The following FASTKD1 variants were observed in gnomAD, a reference collection of about 807,000 sequenced individuals.
The protein encoded by FASTKD1 is FAST kinase domains 1.
A neutral mutation model predicts 90.9 loss-of-function variants in FASTKD1; 94 were observed. That is an observed-to-expected ratio of 1.03 (90% confidence interval 0.88 to 1.23). The LOEUF is 1.23. Among genes scored for constraint, FASTKD1 ranks in the 50% most tolerant of loss-of-function variants. FASTKD1 has a pLI of 0.00. For synonymous variants in FASTKD1, 319 were observed against 345.8 expected (o/e 0.92, Z 0.86); for missense variants, 945 against 993.5 (o/e 0.95, Z 0.66).
chr2:169,542,572 A>G (rs1367037923), intron 9 of FASTKD1, among the ~76,000 whole-genome samples: 3 of 152,224 alleles, frequency 2.0e-5, no homozygotes, highest in Non-Finnish European at 4.4e-5. Flanking sequence ...AATATTACCA[A>G]AAGACTTTTC....
chr2:169,568,998 C>CAAA (rs374268347), intron 3 of FASTKD1, among the ~76,000 whole-genome samples, 186 bp downstream of exon 3: 1 of 104,790 alleles, frequency 9.5e-6, no homozygotes, highest in African/African-American at 4.1e-5. Flanking sequence ...GACTCCATCT[C>CAAA]AAAAAAAAAA....
Position 169,537,764 on chromosome 2 carries a change from A to G in FASTKD1, c.2074+249T>C, listed in dbSNP as rs1257752939. On this transcript the variant is annotated intron_variant, in intron 11 of 14. Coordinates refer to ENST00000453153, the MANE Select transcript of FASTKD1 (RefSeq NM_024622.6). ...ATTAATAATTTCAATAAGAGCTTCA[A>G]TGTAGTGTCTTATATAATGACACTA... Among the ~76,000 whole-genome samples, 4 of 152,196 alleles carry G rather than the reference A, an allele frequency of 2.6e-5. No homozygotes were observed. The East Asian group carries it at 7.7e-4, about 29-fold the overall frequency.
chr2:169,550,143 G>A (rs1443823074), intron 7 of FASTKD1, among the ~76,000 whole-genome samples: 1 of 151,282 alleles, frequency 6.6e-6, no homozygotes, highest in Non-Finnish European at 1.5e-5. Flanking sequence ...GGTGTAGCTG[G>A]GATACAGGTG....
At chr2:169,537,954 C>T (rs533023112) in intron 11 of FASTKD1, 59 bp downstream of exon 11, 2 of 1,439,186 alleles carry the variant, frequency 1.4e-6, no homozygotes, top group East Asian at 2.3e-5. Context: ...TAACAATGTA[C>T]TACCTAATAA....
At chr2:169,539,603 T>TA (rs199506522) in intron 10 of FASTKD1, among the ~76,000 whole-genome samples, 8,870 of 146,456 alleles carry the variant, frequency 0.061, 425 homozygotes, top group South Asian at 0.14. Context: ...TCCCAGCTCT[T>TA]AAAAAAAAAA....
At chr2:169,561,748 A>ATAAATTATTTATTAATTAATTTATTG (rs1683623248) in intron 4 of FASTKD1, among the ~76,000 whole-genome samples, 1 of 74,286 alleles carries the variant, frequency 1.3e-5, no homozygotes, top group African/African-American at 4.2e-5. Flanking sequence ...ATTATTCATT[A>ATAAATTATTTATTAATTAATTTATTG]TAAATTATTT....
Position 169,530,630 on chromosome 2 carries a change from A to G in FASTKD1, c.2399T>C (p.Met800Thr), listed in dbSNP as rs946633269. The stretch of plus-strand genomic sequence containing the variant: ...CAGAATTTCCAAATGTCGTTTTTTC[A>G]TAGCAGATTTTCCTTTCATGTGAGG... ...NIPHMKGKSA[M>T]KKRHLEILGY... is the part of the protein sequence containing the mutation. The change falls in exon 14 of 15, where the codon ATG becomes ACG. Residue 800 changes from methionine to threonine, a missense_variant. Coordinates refer to ENST00000453153, the MANE Select transcript of FASTKD1 (RefSeq NM_024622.6). 2 of 1,609,566 alleles carry G rather than the reference A, an allele frequency of 1.2e-6. No individual in the cohort carries two copies. Among genetic ancestry groups the G allele is most frequent in the Non-Finnish European group, 1.7e-6 (2 of 1,178,726 alleles).
chr2:169,562,247 T>C (rs1683735571), intron 4 of FASTKD1, among the ~76,000 whole-genome samples: 1 of 151,808 alleles, frequency 6.6e-6, no homozygotes, highest in East Asian at 1.9e-4. Flanking sequence ...GTTATTGTTG[T>C]TTTGAGACAG....
chr2:169,561,813 T>TGTAAATTATTTATTAATTTATC (rs1683644064), intron 4 of FASTKD1, among the ~76,000 whole-genome samples: 1 of 146,314 alleles, frequency 6.8e-6, no homozygotes, highest in Admixed American at 6.8e-5. Flanking sequence ...ATTAATTTAT[T>TGTAAATTATTTATTAATTTATC]GTAAATTATT....
chr2:169,555,470 A>G (rs540514740), intron 6 of FASTKD1, among the ~76,000 whole-genome samples: 1 of 152,358 alleles, frequency 6.6e-6, no homozygotes, highest in African/African-American at 2.4e-5. Flanking sequence ...TGAATGAAAT[A>G]ACATTCACTT....
chr2:169,548,004 A>AC (rs1685292412), intron 7 of FASTKD1, among the ~76,000 whole-genome samples: 1 of 150,614 alleles, frequency 6.6e-6, no homozygotes, highest in Non-Finnish European at 1.5e-5. Context: ...TCAAAAAAAA[A>AC]AAAACAAAAC....
chr2:169,536,432 C>G (rs1311565076), intron 12 of FASTKD1, among the ~76,000 whole-genome samples: 1 of 151,674 alleles, frequency 6.6e-6, no homozygotes. Context: ...ATTAAGGTGT[C>G]TAAAAAATAG....
At chr2:169,562,070 AAAATAATTATT>A (rs1683709173) in intron 4 of FASTKD1, among the ~76,000 whole-genome samples, 1 of 122,338 alleles carries the variant, frequency 8.2e-6, no homozygotes, top group Non-Finnish European at 1.7e-5. Flanking sequence ...AATTTATTGT[AAAATAATTATT>A]TATTAATTTA....
chr2:169,530,573 TGAGTATTTCATACCTGAATTACAC>T lies in FASTKD1; in HGVS notation c.2432_2442+13del, dbSNP rs757396432. ...TGGGCTTTTTAGAGGCTGAATTACA[TGAGTATTTCATACCTGAATTACAC>T]GATACCCCAGAATTTCCAAATGTCG... On this transcript the variant is annotated splice_donor_variant and splice_donor_5th_base_variant and coding_sequence_variant and intron_variant, in exon 14 of 15. Transcript: ENST00000453153. LOFTEE classifies it high-confidence loss of function. The T allele has an allele frequency of 1.4e-6, 2 of 1,464,580 alleles. No homozygotes were observed. Among genetic ancestry groups the T allele is most frequent in the Non-Finnish European group, 1.9e-6 (2 of 1,060,140 alleles). 90.7% of individuals were successfully genotyped at this position (1,464,580 alleles called of 1,614,324 possible).
In FASTKD1 at chr2:169,572,108, A is replaced by G; in HGVS notation, c.-79T>C. 2 of 1,490,840 alleles carry G rather than the reference A, an allele frequency of 1.3e-6. No individual in the cohort carries two copies. The highest frequency in any genetic ancestry group is 1.8e-6 in the Non-Finnish European group (2 of 1,122,752). The allele number at this position is 1,490,840 out of a possible 1,614,324, so 92.4% of individuals were successfully genotyped here. ...TGCAATAAGCAGGGATACAAATAAC[A>G]GTTTTTCCTTCATGTATTTTGCTTC... On this transcript the variant is annotated 5_prime_UTR_variant, in exon 2 of 15. Transcript: ENST00000453153.
rs762495314 is a variant in FASTKD1 at position 169,569,175 on chromosome 2, G to A, written c.446+9C>T. 2.5e-6 allele frequency: 4 copies of A among 1,612,650 alleles called. No individual in the cohort carries two copies. The highest frequency in any genetic ancestry group is 1.7e-5 in the Admixed American group (1 of 59,978). On this transcript the variant is annotated intron_variant, in intron 3 of 14. Transcript: ENST00000453153. ...ACCCTGATCTTCAAGATGAACCCAGGGTACTTGCCTTTCTAGCCTTCTCCA... is the reference window on the plus strand; with the variant it reads ...ACCCTGATCTTCAAGATGAACCCAGAGTACTTGCCTTTCTAGCCTTCTCCA...
chr2:169,537,080 CTCTT>C (rs1260105432), intron 12 of FASTKD1, 143 bp downstream of exon 12: 18 of 492,570 alleles, frequency 3.7e-5, no homozygotes, highest in African/African-American at 1.9e-4. Context: ...TATTCTATTG[CTCTT>C]TCTATCTCCG....
intron 3 of FASTKD1, among the ~76,000 whole-genome samples, chr2:169,566,450 T>A (rs1046224495): frequency 7.9e-5 from 12 of 152,036 alleles, no homozygotes; most frequent in Admixed American, 2.6e-4. Flanking sequence ...GAAAGTTTTT[T>A]AAAAAAAATT....
rs377220714 is a variant in FASTKD1, at chr2:169,538,179, A to G, written c.1946-38T>C. ...AAATACTAATGAATTTTGATAGCTGAGACCTAGGAAAGACAACCCATTTTT... is the reference window on the plus strand; with the variant it reads ...AAATACTAATGAATTTTGATAGCTGGGACCTAGGAAAGACAACCCATTTTT... On this transcript the variant is annotated intron_variant, in intron 10 of 14. Transcript: ENST00000453153. The G allele has an allele frequency of 5.2e-5, 81 of 1,553,556 alleles. 1 individual carries two copies. The African/African-American group carries it at 1.1e-3, about 21-fold the overall frequency.
Sources: gnomAD v4.1 joint callset for allele counts (sites outside exome capture counted in the v4.1 genomes callset) on GRCh38, gnomAD v4.1.1 for gene constraint, MANE v1.5 for transcripts, NCBI Gene and HGNC (gene_info 2026-07-23, HGNC 2026-07-21) for gene names.